HOXA3: variants seen among roughly 807,000 people sequenced by gnomAD.
HOXA3 encodes the protein homeobox A3, also known as homeobox protein Hox-A3.
Under a neutral mutation model 30.3 loss-of-function variants are expected in HOXA3, and 8 were observed. That is an observed-to-expected ratio of 0.26 (90% CI 0.15 to 0.48). The LOEUF is 0.48. Among genes scored for constraint, HOXA3 ranks in the 20% least tolerant of loss-of-function variants. The pLI is 0.99. For missense variants in HOXA3, 653 were observed against 614.4 expected, an observed-to-expected ratio of 1.06 and a Z score of -0.66; for synonymous variants, 323 against 273.1, an observed-to-expected ratio of 1.18 and a Z score of -1.80.
chr7:27,143,633 T>C, intron 1 of HOXA3: 3 of 1,567,222 alleles, frequency 1.9e-6, no homozygotes, highest in Non-Finnish European at 2.6e-6. Context: ...TGTGCTTGAT[T>C]TGTGGCTCGC....
In HOXA3 at chr7:27,108,409, T is replaced by C. The variant is rs375321122; in HGVS notation, c.838A>G (p.Met280Val). 10 of 1,611,094 alleles carry C rather than the reference T, an allele frequency of 6.2e-6. No homozygotes were observed. The highest frequency in any genetic ancestry group is 1.1e-5 in the South Asian group (1 of 90,998). The change falls in exon 6 of 6, where the codon ATG (methionine) becomes GTG (valine). Residue 280 changes from methionine (M) to valine (V), a missense_variant. Met to Val is a conservative substitution (Grantham distance 21). Transcript: ENST00000612286. The surrounding 1 kb of genome is among the most constrained non-coding windows in gnomAD (Gnocchi z 5.0). Reference sequence around the variant, plus strand: ...GGGACGCTGTTGACCAGCGAATGCATAGAGTTCAGATAGCCACCGGCTCCG... The same window carrying C: ...GGGACGCTGTTGACCAGCGAATGCACAGAGTTCAGATAGCCACCGGCTCCG... ...PPGAGGYLNS[M>V]HSLVNSVPYE...
At position 27,108,257 on chromosome 7, in the gene HOXA3, C is replaced by G. The variant is rs773141484; in HGVS notation, c.990G>C (p.Thr330=). The part of the protein sequence containing the change: ...APPPPPQKRY[T]AAGAGAGGTP... Reference sequence around the variant, plus strand: ...TGCCCCCTGCGCCCGCCCCTGCCGCCGTGTAGCGCTTCTGTGGGGGTGGCG... The same window carrying G: ...TGCCCCCTGCGCCCGCCCCTGCCGCGGTGTAGCGCTTCTGTGGGGGTGGCG... Residue 330 remains threonine (T), a synonymous_variant, in exon 6 of 6, where the codon ACG becomes ACC. Transcript: ENST00000612286. The surrounding 1 kb of genome is among the most constrained non-coding windows in gnomAD (Gnocchi z 5.0). The G allele has an allele frequency of 6.6e-7, 1 of 1,518,608 alleles. No individual in the cohort carries two copies. Among genetic ancestry groups the G allele is most frequent in the East Asian group, 2.3e-5 (1 of 43,778 alleles). 94.1% of individuals were successfully genotyped at this position (1,518,608 alleles called of 1,614,324 possible).
chr7:27,143,342 G>C, intron 1 of HOXA3: 2 of 1,594,644 alleles, frequency 1.3e-6, no homozygotes, highest in Non-Finnish European at 1.7e-6. Context: ...GGACGTGGCC[G>C]GCTGGCTGTA....
chr7:27,117,251 G>T (rs1784773404), intron 4 of HOXA3, among the ~76,000 whole-genome samples: 1 of 152,208 alleles, frequency 6.6e-6, no homozygotes, highest in South Asian at 2.1e-4. Flanking sequence ...GAGGACTCTT[G>T]TCTCTGGACT....
chr7:27,120,096 C>G (rs1784930667), intron 4 of HOXA3, among the ~76,000 whole-genome samples: 2 of 152,050 alleles, frequency 1.3e-5, no homozygotes, highest in Admixed American at 1.3e-4. Flanking sequence ...ACCAATCATT[C>G]ACACTGAGCT....
In HOXA3 at chr7:27,129,946, G is replaced by T. The variant is rs569710239; in HGVS notation, c.-389-2876C>A. The T allele has an allele frequency of 1.8e-5, 13 of 707,010 alleles. No homozygotes were observed. In the East Asian group the frequency reaches 3.3e-4, roughly 18 times the overall value. The allele number at this position is 707,010 out of a possible 1,614,324, so 43.8% of individuals were successfully genotyped here. A position where few individuals can be genotyped will look rare whatever the true frequency, so the allele number is the denominator to read the frequency against. The stretch of plus-strand genomic sequence containing the variant: ...TGGGTACAAAAGGGTTCTCATGTTG[G>T]GATCAGGCGGCTGGCTGGCGCGCAC... On this transcript the variant is annotated intron_variant, in intron 2 of 5. Transcript: ENST00000612286.
intron 1 of HOXA3, among the ~76,000 whole-genome samples, chr7:27,149,616 G>A (rs908607636): frequency 6.6e-6 from 1 of 152,224 alleles, no homozygotes; most frequent in Non-Finnish European, 1.5e-5. Context: ...TTCCCCAGTC[G>A]ATCCGTCCTG....
Position 27,108,439 on chromosome 7 carries a change from G to T in HOXA3, c.808C>A (p.Pro270Thr), listed in dbSNP as rs777588656. 6.2e-7 allele frequency: 1 copy of T among 1,613,874 alleles called. No homozygotes were observed. Among genetic ancestry groups the T allele is most frequent in the Admixed American group, 1.7e-5 (1 of 60,024 alleles). The part of the protein sequence containing the change: ...GGQSPSRSPV[P>T]PGAGGYLNSM... ...TTCAGATAGCCACCGGCTCCGGGGG[G>T]CACGGGGCTGCGACTTGGAGACTGG... The change falls in exon 6 of 6, where the codon CCC (proline) becomes ACC (threonine). Residue 270 changes from proline (P) to threonine (T), a missense_variant. Transcript: ENST00000612286. This position sits in a 1 kb window ranked among gnomAD's most constrained non-coding sequence, Gnocchi z 5.0.
In HOXA3 at chr7:27,114,835, TTATATATATAATATATATTA is replaced by T. The variant is rs1273959029; in HGVS notation, c.-120-4095_-120-4076del. Reference sequence around the variant, plus strand: ...AACATACATATATATATAATATATATTATATATATAATATATATTATATATATAATATATATTATATATAT... The same window carrying T: ...AACATACATATATATATAATATATATTATATATAATATATATTATATATAT... On this transcript the variant is annotated intron_variant, in intron 4 of 5. Coordinates refer to ENST00000612286, the MANE Select transcript of HOXA3 (RefSeq NM_153631.3). Among the ~76,000 whole-genome samples, 3 of 93,482 alleles carry T rather than the reference TTATATATATAATATATATTA, an allele frequency of 3.2e-5. 1 individual carries two copies. The highest frequency in any genetic ancestry group is 1.2e-4 in the African/African-American group (3 of 25,682). 61.3% of individuals were successfully genotyped at this position (93,482 alleles called of 152,430 possible). A position where few individuals can be genotyped will look rare whatever the true frequency, so the allele number is the denominator to read the frequency against.
At chr7:27,142,856 T>G in intron 1 of HOXA3, 2 of 562,292 alleles carry the variant, frequency 3.6e-6, no homozygotes, top group South Asian at 5.6e-5. Flanking sequence ...CCCCCACTAT[T>G]TGTGAGCGCA....
chr7:27,140,848 G>A (rs1458225150), intron 1 of HOXA3, among the ~76,000 whole-genome samples: 2 of 152,068 alleles, frequency 1.3e-5, no homozygotes, highest in Non-Finnish European at 1.5e-5. Flanking sequence ...CTGGGGCTTT[G>A]GAACAGCCTA....
chr7:27,139,929 G>GC (rs1323391778), intron 2 of HOXA3, among the ~76,000 whole-genome samples, 154 bp downstream of exon 2: 22 of 152,018 alleles, frequency 1.4e-4, no homozygotes, highest in African/African-American at 5.3e-4. Flanking sequence ...TTGGCTCCTG[G>GC]CGCTGCTCTT....
chr7:27,117,154 T>C (rs946181580), intron 4 of HOXA3, among the ~76,000 whole-genome samples: 120 of 152,268 alleles, frequency 7.9e-4, no homozygotes, highest in East Asian at 5.8e-4. Context: ...TCTGGAAACA[T>C]GCAGTTTAAC....
chr7:27,125,274 T>C (rs1785234332), intron 3 of HOXA3, among the ~76,000 whole-genome samples: 1 of 152,236 alleles, frequency 6.6e-6, no homozygotes, highest in Non-Finnish European at 1.5e-5. Context: ...TTTTCTCATC[T>C]GTAAATTAAG....
chr7:27,129,724 G>T (rs1482961832), intron 2 of HOXA3, among the ~76,000 whole-genome samples: 1 of 152,154 alleles, frequency 6.6e-6, no homozygotes, highest in Non-Finnish European at 1.5e-5. Context: ...TACATAAAAC[G>T]GCAAAGAAAA....
intron 2 of HOXA3, chr7:27,129,896 C>A: frequency 1.6e-6 from 1 of 615,790 alleles, no homozygotes; most frequent in Non-Finnish European, 2.8e-6. Context: ...TTTGGCGTCT[C>A]GTAAATCTCC....
At chr7:27,145,499 A>T (rs1440885771) in intron 1 of HOXA3, 2 of 832,404 alleles carry the variant, frequency 2.4e-6, no homozygotes, top group Non-Finnish European at 3.8e-6. Context: ...TTTGTTTTGT[A>T]AGAAATAAAT....
rs1447496140 is a variant in HOXA3, at chr7:27,107,309, T to TA, written c.*605dup. The TA allele has an allele frequency of 1.3e-5, 2 of 152,170 alleles. No homozygotes were observed. Among genetic ancestry groups the TA allele is most frequent in the Non-Finnish European group, 2.9e-5 (2 of 68,030 alleles). 9.4% of individuals were successfully genotyped at this position (152,170 alleles called of 1,614,324 possible). A position where few individuals can be genotyped will look rare whatever the true frequency, so the allele number is the denominator to read the frequency against. The stretch of plus-strand genomic sequence containing the variant: ...TGAACCATCAGGGTACAGAATTCTT[T>TA]AATATAAATACGAACGGATGGGGAT... On this transcript the variant is annotated 3_prime_UTR_variant, in exon 6 of 6. Transcript: ENST00000612286.
At chr7:27,142,254 A>G (rs1160230351) in intron 1 of HOXA3, among the ~76,000 whole-genome samples, 1 of 152,234 alleles carries the variant, frequency 6.6e-6, no homozygotes, top group Non-Finnish European at 1.5e-5. Context: ...TCTAGAAAGA[A>G]AACAATACGA....
Sources: gnomAD v4.1 joint callset for allele counts (sites outside exome capture counted in the v4.1 genomes callset) on GRCh38, gnomAD v4.1.1 for gene constraint, Gnocchi (gnomAD v3.1) non-coding constraint, MANE v1.5 for transcripts, NCBI Gene and HGNC (gene_info 2026-07-23, HGNC 2026-07-21) for gene names.